Variants in MACROD2 observed in about 807,000 individuals in gnomAD.
The protein encoded by MACROD2 is mono-ADP ribosylhydrolase 2.
Under a neutral mutation model 70.4 loss-of-function variants are expected in MACROD2, and 36 were observed. The observed-to-expected ratio is 0.51, with a 90% CI of 0.39 to 0.68. MACROD2 has a LOEUF of 0.68. Among genes scored for constraint, MACROD2 ranks in the 30% least tolerant of loss-of-function variants. MACROD2 has a pLI of 0.00. For synonymous variants in MACROD2, 172 were observed against 178.8 expected (o/e 0.96, Z 0.30); for missense variants, 496 against 538.4 (o/e 0.92, Z 0.78).
chr20:14,431,360 TG>T (rs1256277903), intron 3 of MACROD2, among the ~76,000 whole-genome samples: 5 of 151,924 alleles, frequency 3.3e-5, no homozygotes, highest in Non-Finnish European at 5.9e-5. Context: ...TGCTGTAGGG[TG>T]GGATGGAGCT....
chr20:14,081,242 A>G (rs2053990546), intron 2 of MACROD2, among the ~76,000 whole-genome samples: 2 of 152,026 alleles, frequency 1.3e-5, no homozygotes, highest in Non-Finnish European at 2.9e-5. Flanking sequence ...GAATCCCCCT[A>G]TATTTCCTCT....
intron 8 of MACROD2, among the ~76,000 whole-genome samples, chr20:15,798,522 T>G (rs1261142241): frequency 2.0e-5 from 3 of 152,186 alleles, no homozygotes; most frequent in African/African-American, 7.2e-5. Context: ...CGAGCATCAC[T>G]TGCATCTCAT....
chr20:15,539,130 T>C (rs2047919457), intron 8 of MACROD2, among the ~76,000 whole-genome samples: 1 of 152,216 alleles, frequency 6.6e-6, no homozygotes, highest in African/African-American at 2.4e-5. Context: ...CAGGCAATGC[T>C]TAAGAATGTA....
At chr20:14,893,203 G>A (rs2073784578) in intron 5 of MACROD2, 1 of 152,040 alleles carries the variant, frequency 6.6e-6, no homozygotes, top group Admixed American at 6.6e-5. Context: ...ATCTTTTGAT[G>A]AACATTTGGG....
At chr20:14,616,557 A>AG (rs1485060486) in intron 4 of MACROD2, among the ~76,000 whole-genome samples, 2 of 152,098 alleles carry the variant, frequency 1.3e-5, no homozygotes, top group Non-Finnish European at 2.9e-5. Context: ...TTTAATTTTG[A>AG]GGGCCAGTAT....
At chr20:15,850,206 C>T (rs2064281336) in intron 8 of MACROD2, among the ~76,000 whole-genome samples, 1 of 152,086 alleles carries the variant, frequency 6.6e-6, no homozygotes. Context: ...GAGCATGCCA[C>T]CAAGAGCATC....
At chr20:14,515,463 A>ACACACACACGCG (rs34190778) in intron 4 of MACROD2, among the ~76,000 whole-genome samples, 46 of 138,902 alleles carry the variant, frequency 3.3e-4, no homozygotes, top group African/African-American at 7.1e-4. Flanking sequence ...ATACACACAC[A>ACACACACACGCG]CGCACACACA....
chr20:15,158,246 A>G (rs1216287681), intron 5 of MACROD2, among the ~76,000 whole-genome samples: 1 of 152,212 alleles, frequency 6.6e-6, no homozygotes, highest in Admixed American at 6.5e-5. Flanking sequence ...TCAAATAGGC[A>G]TCTCTTCCTC....
intron 5 of MACROD2, among the ~76,000 whole-genome samples, chr20:15,006,141 A>ATGTGTGTGTGTGTG (rs11473589): frequency 8.2e-5 from 11 of 134,362 alleles, no homozygotes; most frequent in African/African-American, 3.1e-4. Flanking sequence ...ATATATATAT[A>ATGTGTGTGTGTGTG]TGTGTGTGTG....
chr20:15,353,385 A>G (rs2078249744), intron 6 of MACROD2, among the ~76,000 whole-genome samples: 1 of 152,202 alleles, frequency 6.6e-6, no homozygotes, highest in African/African-American at 2.4e-5. Flanking sequence ...TGTTAGACCT[A>G]AAACCATAAA....
intron 4 of MACROD2, among the ~76,000 whole-genome samples, chr20:14,564,137 A>G (rs1172016028): frequency 6.6e-6 from 1 of 151,928 alleles, no homozygotes; most frequent in Non-Finnish European, 1.5e-5. Context: ...GAATTGGAGA[A>G]CCGTATGCAG....
chr20:14,155,417 TC>T (rs2055088339), intron 3 of MACROD2, among the ~76,000 whole-genome samples: 1 of 152,192 alleles, frequency 6.6e-6, no homozygotes, highest in Non-Finnish European at 1.5e-5. Flanking sequence ...ATAAATACCT[TC>T]CCATCGGTAT....
At chr20:14,414,583 C>T (rs1292381385) in intron 3 of MACROD2, among the ~76,000 whole-genome samples, 1 of 152,144 alleles carries the variant, frequency 6.6e-6, no homozygotes, top group Non-Finnish European at 1.5e-5. Context: ...AAAAGTAAAA[C>T]ACCTAATAGG....
intron 2 of MACROD2, among the ~76,000 whole-genome samples, chr20:14,046,133 A>T (rs2053470935): frequency 6.6e-6 from 1 of 152,226 alleles, no homozygotes. Context: ...AGTACGATTA[A>T]TGCAGAGGAA....
intron 5 of MACROD2, among the ~76,000 whole-genome samples, chr20:14,694,335 A>G (rs538895779): frequency 2.6e-5 from 4 of 152,306 alleles, no homozygotes; most frequent in African/African-American, 9.6e-5. Context: ...TTACAGATAA[A>G]GTAACCGAGG....
intron 5 of MACROD2, among the ~76,000 whole-genome samples, chr20:14,939,057 A>C (rs985903255): frequency 1.3e-5 from 2 of 150,244 alleles, no homozygotes; most frequent in Admixed American, 6.7e-5. Flanking sequence ...ATGGACTCCA[A>C]CTTCTCTTTG....
At chr20:15,185,680 C>T (rs1395281361) in intron 5 of MACROD2, among the ~76,000 whole-genome samples, 4 of 152,132 alleles carry the variant, frequency 2.6e-5, no homozygotes, top group South Asian at 2.1e-4. Context: ...ACTAGGCTGT[C>T]CCTTCTTTGT....
intron 5 of MACROD2, among the ~76,000 whole-genome samples, chr20:14,693,893 T>C (rs893615721): frequency 6.6e-6 from 1 of 152,200 alleles, no homozygotes; most frequent in African/African-American, 2.4e-5. Flanking sequence ...ATAAGAGAGA[T>C]AAATGGCTCT....
intron 10 of MACROD2, among the ~76,000 whole-genome samples, chr20:15,913,651 A>G (rs940307354): frequency 1.3e-5 from 2 of 152,166 alleles, no homozygotes; most frequent in African/African-American, 4.8e-5. Flanking sequence ...TTTGCTCTTT[A>G]TGTTGAAAAA....
Sources: allele counts gnomAD v4.1 joint callset (sites outside exome capture counted in the v4.1 genomes callset), GRCh38; gene constraint gnomAD v4.1.1; transcripts MANE v1.5; gene names NCBI Gene and HGNC (gene_info 2026-07-23, HGNC 2026-07-21).